Variants in ANKRD12 observed in about 807,000 individuals in gnomAD.
ANKRD12 encodes the protein ankyrin repeat domain-containing protein 12.
In ANKRD12, 85 loss-of-function variants were observed where a neutral mutation model predicts 183.4. That is an observed-to-expected ratio of 0.46 (90% CI 0.39 to 0.56). The LOEUF (loss-of-function observed/expected upper bound fraction) is 0.56. Ranked by LOEUF, ANKRD12 falls within the 20% of genes least tolerant of loss-of-function variation. The probability of loss-of-function intolerance (pLI) is 0.00; values close to 1 mark genes in which losing one functional copy is unlikely to be tolerated. For missense variants in ANKRD12, 2,405 were observed against 2,357.1 expected (o/e 1.02, Z -0.42); for synonymous variants, 914 against 800.2 (o/e 1.14, Z -2.40).
intron 1 of ANKRD12, among the ~76,000 whole-genome samples, chr18:9,177,131 C>T (rs960961000): frequency 6.7e-4 from 99 of 147,262 alleles, no homozygotes; most frequent in African/African-American, 2.5e-3. Context: ...GGAAAGTAGC[C>T]CTGAACAAGT....
intron 10 of ANKRD12, among the ~76,000 whole-genome samples, chr18:9,273,941 G>A (rs974716561): frequency 3.3e-5 from 5 of 152,226 alleles, no homozygotes; most frequent in East Asian, 1.9e-4. Context: ...AGCCAAAGAC[G>A]TGGCAAAACC....
rs200079377 is a variant in ANKRD12, at chr18:9,161,754, A to G, written c.-51-20628A>G. Reference sequence around the variant, plus strand: ...GATATGTTGATGTGTGTGTGTGTGTATATATATATAAAATATATATATATG... The same window carrying G: ...GATATGTTGATGTGTGTGTGTGTGTGTATATATATAAAATATATATATATG... On this transcript the variant is annotated intron_variant, in intron 1 of 12. Transcript: ENST00000262126. Among the ~76,000 whole-genome samples the G allele has an allele frequency of 4.4e-3, 645 of 145,630 alleles. 7 individuals are homozygous for G. The highest frequency in any genetic ancestry group is 0.018 in the East Asian group (92 of 5,140).
intron 8 of ANKRD12, among the ~76,000 whole-genome samples, chr18:9,231,321 C>G (rs1386452855): frequency 6.6e-6 from 1 of 152,100 alleles, no homozygotes; most frequent in East Asian, 1.9e-4. Context: ...TCTAGATGAT[C>G]TGTCTAATGC....
intron 11 of ANKRD12, among the ~76,000 whole-genome samples, chr18:9,276,225 A>C (rs1161417928): frequency 1.3e-5 from 2 of 152,184 alleles, no homozygotes; most frequent in African/African-American, 4.8e-5. Context: ...GAAAGAATTT[A>C]AAGATTAAAA....
intron 8 of ANKRD12, among the ~76,000 whole-genome samples, chr18:9,251,460 A>G (rs993007473): frequency 3.3e-5 from 5 of 152,224 alleles, no homozygotes; most frequent in Admixed American, 2.6e-4. Flanking sequence ...ATTTAAATGC[A>G]TTTAAATAAT....
chr18:9,223,207 G>C (rs545544374), intron 8 of ANKRD12, among the ~76,000 whole-genome samples: 1 of 151,810 alleles, frequency 6.6e-6, no homozygotes, highest in Non-Finnish European at 1.5e-5. Flanking sequence ...ATCACTTGAG[G>C]CCGAGAGTTC....
At chr18:9,174,572 C>G (rs1178160921) in intron 1 of ANKRD12, among the ~76,000 whole-genome samples, 1 of 152,190 alleles carries the variant, frequency 6.6e-6, no homozygotes, top group East Asian at 1.9e-4. Context: ...TGGGGTTACA[C>G]AATCACTCAC....
chr18:9,154,251 G>A (rs2030040305), intron 1 of ANKRD12, among the ~76,000 whole-genome samples: 2 of 152,086 alleles, frequency 1.3e-5, no homozygotes, highest in Non-Finnish European at 2.9e-5. Context: ...GCAAAACCCT[G>A]TCTCTACAAA....
chr18:9,157,468 A>C (rs1383343931), intron 1 of ANKRD12, among the ~76,000 whole-genome samples: 1 of 151,780 alleles, frequency 6.6e-6, no homozygotes, highest in Non-Finnish European at 1.5e-5. Context: ...ATAAAGTCCA[A>C]ATATTGTAAG....
chr18:9,138,494 CAA>C (rs750830052), intron 1 of ANKRD12, among the ~76,000 whole-genome samples: 31 of 152,208 alleles, frequency 2.0e-4, no homozygotes, highest in Non-Finnish European at 3.8e-4. Flanking sequence ...GCCTGGGCCA[CAA>C]GAGCGAAACT....
In ANKRD12 at chr18:9,262,786, C is replaced by CTTTTTTTTTTTTTT. The variant is rs775877613; in HGVS notation, c.5665-1004_5665-1003insTTTTTTTTTTTTTT. On this transcript the variant is annotated intron_variant, in intron 9 of 12. Transcript: ENST00000262126. The stretch of plus-strand genomic sequence containing the variant: ...AGCCACCATGCCCAGCCAAGATGTC[C>CTTTTTTTTTTTTTT]CTTTTTTTTTTTTTTTTTTTTTTTT... Among the ~76,000 whole-genome samples the CTTTTTTTTTTTTTT allele has an allele frequency of 8.0e-5, 7 of 87,932 alleles. 2 individuals are homozygous for CTTTTTTTTTTTTTT. The highest frequency in any genetic ancestry group is 9.0e-5 in the Non-Finnish European group (4 of 44,262). 57.7% of individuals were successfully genotyped at this position (87,932 alleles called of 152,430 possible).
intron 2 of ANKRD12, among the ~76,000 whole-genome samples, chr18:9,187,746 T>C (rs2034186983): frequency 6.6e-6 from 1 of 152,232 alleles, no homozygotes; most frequent in Non-Finnish European, 1.5e-5. Context: ...AATCAGTATT[T>C]AAAATTTGCA....
chr18:9,256,366 T>A lies in ANKRD12; in HGVS notation c.3099T>A (p.His1033Gln). ...ATAGATACAAAGAACGAGACAAACA[T>A]AAAGATAAAATTCAAATAAATAGCT... ...DIDRYKERDK[H>Q]KDKIQINSLL... The change falls in exon 9 of 13, where the codon CAT becomes CAA. Residue 1033 changes from histidine to glutamine, a missense_variant. Physicochemically the swap from His to Gln is conservative, Grantham distance 24 (BLOSUM62 0). Around this residue, in one of 7 missense-constraint regions of ANKRD12, gnomAD observed 1,983 missense variants for 1,725.9 expected, o/e 1.15. Coordinates refer to ENST00000262126, the MANE Select transcript of ANKRD12 (RefSeq NM_015208.5). 1 of 1,599,260 alleles carries A rather than the reference T, an allele frequency of 6.3e-7. No individual in the cohort carries two copies. Among genetic ancestry groups the A allele is most frequent in the Non-Finnish European group, 8.5e-7 (1 of 1,173,934 alleles).
chr18:9,245,194 A>C (rs1037795755), intron 8 of ANKRD12, among the ~76,000 whole-genome samples: 13 of 152,040 alleles, frequency 8.6e-5, no homozygotes, highest in African/African-American at 3.1e-4. Context: ...TCACACCTGG[A>C]ATCCCAGCCC....
At chr18:9,213,897 T>G (rs2035945124) in intron 6 of ANKRD12, among the ~76,000 whole-genome samples, 1 of 151,968 alleles carries the variant, frequency 6.6e-6, no homozygotes, top group South Asian at 2.1e-4. Flanking sequence ...TCAAGCTTAC[T>G]AATATTTTGC....
In ANKRD12 at chr18:9,255,964, C is replaced by A; in HGVS notation, c.2697C>A (p.Asp899Glu). 1.9e-6 allele frequency: 3 copies of A among 1,569,876 alleles called. No individual in the cohort carries two copies. Among genetic ancestry groups the A allele is most frequent in the Non-Finnish European group, 2.6e-6 (3 of 1,166,164 alleles). Residue 899 changes from aspartate (D) to glutamate (E), a missense_variant, in exon 9 of 13, where the codon GAC becomes GAA. Asp to Glu is a conservative substitution (Grantham distance 45). This residue lies in a region of ANKRD12 where 1,983 missense variants were observed against 1,725.9 expected (regional missense o/e 1.15). Transcript: ENST00000262126. ...CTGCTGCTATTAAAAAAACTGACGACAGAGAGAAAAGTAGAGAAAAGATGG... is the reference window on the plus strand; with the variant it reads ...CTGCTGCTATTAAAAAAACTGACGAAAGAGAGAAAAGTAGAGAAAAGATGG... The part of the protein sequence containing the change: ...KNTAAIKKTD[D>E]REKSREKMDR...
At position 9,239,496 on chromosome 18, in the gene ANKRD12, G is replaced by T. The variant is rs781226093; in HGVS notation, c.944-14715G>T. The T allele has an allele frequency of 4.0e-5, 52 of 1,284,496 alleles. 1 individual carries two copies. In the South Asian group the frequency reaches 6.4e-4, roughly 16 times the overall value. The allele number at this position is 1,284,496 out of a possible 1,614,324, so 79.6% of individuals were successfully genotyped here. ...TTTCAGAATATTTATTTTCCACATG[G>T]TGAATGTGCCTGAATTATTGCTTGG... On this transcript the variant is annotated intron_variant, in intron 8 of 12. Coordinates refer to ENST00000262126, the MANE Select transcript of ANKRD12 (RefSeq NM_015208.5).
chr18:9,263,203 G>C (rs2039083865), intron 9 of ANKRD12, among the ~76,000 whole-genome samples: 1 of 152,032 alleles, frequency 6.6e-6, no homozygotes, highest in Admixed American at 6.6e-5. Context: ...AGTGTAATTT[G>C]ATATTACACT....
chr18:9,196,352 TAATA>T (rs1045262942), intron 3 of ANKRD12, among the ~76,000 whole-genome samples: 4 of 152,202 alleles, frequency 2.6e-5, no homozygotes, highest in Non-Finnish European at 4.4e-5. Context: ...TATTGCTATC[TAATA>T]AATTACTAGG....
Sources: allele counts gnomAD v4.1 joint callset (sites outside exome capture counted in the v4.1 genomes callset), GRCh38; gene constraint gnomAD v4.1.1; regional missense constraint gnomAD v4.1.1; transcripts MANE v1.5; gene names NCBI Gene and HGNC (gene_info 2026-07-23, HGNC 2026-07-21).